The following CNTNAP2 variants were observed in gnomAD, a reference collection of about 807,000 sequenced individuals.
CNTNAP2 encodes the protein contactin associated protein 2.
In CNTNAP2, 98 loss-of-function variants were observed where a neutral mutation model predicts 155.2. The observed-to-expected ratio is 0.63, with a 90% CI of 0.54 to 0.75. The LOEUF is 0.75. CNTNAP2 is among the 30% of genes least tolerant of loss of function. The pLI, the probability that CNTNAP2 is intolerant of heterozygous loss-of-function variation, is 0.00. For synonymous variants in CNTNAP2, 651 were observed against 631.2 expected (o/e 1.03, Z -0.47); for missense variants, 1,727 against 1,688.1 (o/e 1.02, Z -0.40).
intron 8 of CNTNAP2, among the ~76,000 whole-genome samples, chr7:147,274,120 G>A (rs1276569551): frequency 6.6e-6 from 1 of 151,760 alleles, no homozygotes; most frequent in African/African-American, 2.4e-5. Flanking sequence ...TTGACTCCAT[G>A]ACTTTGCTAT....
At chr7:147,545,281 C>T (rs2116753316) in intron 11 of CNTNAP2, among the ~76,000 whole-genome samples, 1 of 152,212 alleles carries the variant, frequency 6.6e-6, no homozygotes. Context: ...GAAACCAGAA[C>T]TTTAGTGATG....
chr7:146,391,789 A>G (rs1795548685), intron 1 of CNTNAP2, among the ~76,000 whole-genome samples: 1 of 152,150 alleles, frequency 6.6e-6, no homozygotes, highest in Non-Finnish European at 1.5e-5. Context: ...CTAAATGATT[A>G]GAACCCATGG....
At chr7:148,388,432 A>ATGATTTC (rs1799267813) in intron 22 of CNTNAP2, among the ~76,000 whole-genome samples, 1 of 151,818 alleles carries the variant, frequency 6.6e-6, no homozygotes, top group Admixed American at 6.6e-5. Context: ...ACTGAGAATG[A>ATGATTTC]TGATTTCCAA....
chr7:146,695,971 A>C (rs981822528), intron 1 of CNTNAP2, among the ~76,000 whole-genome samples: 63 of 152,104 alleles, frequency 4.1e-4, no homozygotes, highest in African/African-American at 1.5e-3. Flanking sequence ...TTTTGCATTT[A>C]TGTTCATGAG....
chr7:147,032,395 A>G (rs559157252), intron 3 of CNTNAP2, among the ~76,000 whole-genome samples: 13 of 152,198 alleles, frequency 8.5e-5, no homozygotes, highest in Non-Finnish European at 1.8e-4. Flanking sequence ...TACATGACCA[A>G]TGGAATGTAT....
At chr7:147,158,839 G>GGAATAAAATAAAATTCC (rs1801974044) in intron 8 of CNTNAP2, among the ~76,000 whole-genome samples, 1 of 152,042 alleles carries the variant, frequency 6.6e-6, no homozygotes, top group African/African-American at 2.4e-5. Flanking sequence ...GAATAAAACA[G>GGAATAAAATAAAATTCC]GCTCCCTGAG....
At chr7:147,963,051 C>CAG (rs10651838) in intron 14 of CNTNAP2, among the ~76,000 whole-genome samples, 122,258 of 151,960 alleles carry the variant, frequency 0.8, 50,325 homozygotes, top group South Asian at 0.92. Context: ...GCTTATAATA[C>CAG]AGTTATTATT....
chr7:147,527,719 G>A (rs1036847367), intron 11 of CNTNAP2, among the ~76,000 whole-genome samples: 2 of 152,182 alleles, frequency 1.3e-5, no homozygotes, highest in African/African-American at 2.4e-5. Flanking sequence ...GATGTGAGCC[G>A]TGTAACTATC....
At position 147,121,105 on chromosome 7, in the gene CNTNAP2, G is replaced by A; in HGVS notation, c.881G>A (p.Arg294Lys). ...QGRSINLTLD[R>K]SMQHFRTNGE... ...CGGAGCATTAACCTCACTCTGGACA[G>A]GAGCATGCAGCACTTCCGTACCAAT... is the stretch of plus-strand genomic sequence containing the variant. The change falls in exon 6 of 24, where the codon AGG becomes AAG. Residue 294 changes from arginine (R) to lysine (K), a missense_variant. Arg to Lys is a conservative substitution (Grantham distance 26). Transcript: ENST00000361727. 1 of 1,614,164 alleles carries A rather than the reference G, an allele frequency of 6.2e-7. No homozygotes were observed. The highest frequency in any genetic ancestry group is 8.5e-7 in the Non-Finnish European group (1 of 1,180,024).
chr7:146,635,189 C>G (rs1201643719), intron 1 of CNTNAP2, among the ~76,000 whole-genome samples: 1 of 151,988 alleles, frequency 6.6e-6, no homozygotes, highest in Non-Finnish European at 1.5e-5. Flanking sequence ...TGAAAAATAC[C>G]TGGATGTGCT....
intron 16 of CNTNAP2, among the ~76,000 whole-genome samples, chr7:148,123,983 T>G (rs919387083): frequency 1.3e-5 from 2 of 152,132 alleles, no homozygotes; most frequent in African/African-American, 4.8e-5. Context: ...GAAGTGGATT[T>G]GGAGATCAAG....
chr7:147,164,602 T>C (rs189638586), intron 8 of CNTNAP2, among the ~76,000 whole-genome samples: 4 of 152,338 alleles, frequency 2.6e-5, no homozygotes, highest in Admixed American at 2.6e-4. Flanking sequence ...CATGGATTTT[T>C]AGAATTGTAA....
At chr7:146,936,631 A>T (rs935200181) in intron 3 of CNTNAP2, among the ~76,000 whole-genome samples, 2 of 151,964 alleles carry the variant, frequency 1.3e-5, no homozygotes, top group Admixed American at 1.3e-4. Context: ...ACCTAACTTA[A>T]TAGGTAGACA....
At chr7:147,492,389 A>G (rs1265190255) in intron 11 of CNTNAP2, among the ~76,000 whole-genome samples, 1 of 152,198 alleles carries the variant, frequency 6.6e-6, no homozygotes, top group Non-Finnish European at 1.5e-5. Context: ...GTCAATTACT[A>G]TACTGGCTAA....
intron 1 of CNTNAP2, among the ~76,000 whole-genome samples, chr7:146,602,899 C>G (rs1798973355): frequency 7.0e-6 from 1 of 143,772 alleles, no homozygotes; most frequent in South Asian, 2.2e-4. Flanking sequence ...TTGGAGGTCT[C>G]TTAGGAATCC....
chr7:147,954,793 C>A (rs1324277132), intron 14 of CNTNAP2, among the ~76,000 whole-genome samples: 9 of 152,144 alleles, frequency 5.9e-5, no homozygotes, highest in Admixed American at 5.2e-4. Context: ...TCCCCTATAT[C>A]GAGAGTCTAG....
At position 148,417,946 on chromosome 7, in the gene CNTNAP2, A is replaced by T. The variant is rs1800031808; in HGVS notation, c.*2330A>T. On this transcript the variant is annotated 3_prime_UTR_variant, in exon 24 of 24. Transcript: ENST00000361727. ...AAATGAGATCCAATCCTCTCACCAA[A>T]ATTTCAAACCTAGGACACTGGAATG... 6.6e-6 allele frequency: 1 copy of T among 152,158 alleles called. No individual in the cohort carries two copies. Among genetic ancestry groups the T allele is most frequent in the Non-Finnish European group, 1.5e-5 (1 of 68,042 alleles). The allele number at this position is 152,158 out of a possible 1,614,324, so 9.4% of individuals were successfully genotyped here.
chr7:146,631,862 T>C (rs1198956130), intron 1 of CNTNAP2, among the ~76,000 whole-genome samples: 2 of 152,158 alleles, frequency 1.3e-5, no homozygotes, highest in Admixed American at 1.3e-4. Flanking sequence ...TTGTTGTTGT[T>C]CTCCCAAATA....
intron 13 of CNTNAP2, among the ~76,000 whole-genome samples, chr7:147,681,383 G>T (rs1029013077): frequency 6.6e-6 from 1 of 151,870 alleles, no homozygotes; most frequent in African/African-American, 2.4e-5. Flanking sequence ...GTGCTTTGGG[G>T]TGTAAGACCC....
Sources: gnomAD v4.1 joint callset for allele counts (sites outside exome capture counted in the v4.1 genomes callset) on GRCh38, gnomAD v4.1.1 for gene constraint, MANE v1.5 for transcripts, NCBI Gene and HGNC (gene_info 2026-07-23, HGNC 2026-07-21) for gene names.